Variants in PPM1H observed in about 807,000 individuals in gnomAD.
PPM1H encodes the protein protein phosphatase 1H.
A neutral mutation model predicts 54.9 loss-of-function variants in PPM1H; 27 were observed. The observed-to-expected ratio is 0.49, with a 90% CI of 0.36 to 0.68. The LOEUF (loss-of-function observed/expected upper bound fraction) is 0.68, where lower values mean the gene tolerates loss of function less well. Ranked by LOEUF, PPM1H falls within the 30% of genes least tolerant of loss-of-function variation. The pLI is 0.00. For synonymous variants in PPM1H, 305 were observed against 270.8 expected (o/e 1.13, Z -1.24); for missense variants, 596 against 667.8 (o/e 0.89, Z 1.19).
rs765220733 is a variant in PPM1H, at chr12:62,741,980, G to A, written c.870-4394C>T. On this transcript the variant is annotated intron_variant, in intron 4 of 9. Coordinates refer to ENST00000228705, the MANE Select transcript of PPM1H (RefSeq NM_020700.2). Reference sequence around the variant, plus strand: ...CTTTTTGTTGGTTTTGCAAAAAGACGGCAGGCCTAAGAGGACAGTGTTCTG... The same window carrying A: ...CTTTTTGTTGGTTTTGCAAAAAGACAGCAGGCCTAAGAGGACAGTGTTCTG... Among the ~76,000 whole-genome samples the A allele has an allele frequency of 2.2e-4, 33 of 151,732 alleles. 1 individual carries two copies. The highest frequency in any genetic ancestry group is 3.8e-4 in the Non-Finnish European group (26 of 67,970).
At chr12:62,848,677 G>A (rs539020005) in intron 1 of PPM1H, among the ~76,000 whole-genome samples, 35 of 152,278 alleles carry the variant, frequency 2.3e-4, no homozygotes, top group African/African-American at 8.2e-4. Context: ...AATCATGGTC[G>A]TTTTAATTTC....
At chr12:62,675,422 G>A (rs1221148296) in intron 8 of PPM1H, among the ~76,000 whole-genome samples, 1 of 152,182 alleles carries the variant, frequency 6.6e-6, no homozygotes, top group Non-Finnish European at 1.5e-5. Context: ...GTGAATGAAT[G>A]GGCTTCAACA....
intron 2 of PPM1H, among the ~76,000 whole-genome samples, chr12:62,817,902 C>T (rs1454855848): frequency 6.6e-6 from 1 of 152,138 alleles, no homozygotes; most frequent in Non-Finnish European, 1.5e-5. Context: ...ATGGTCTTGG[C>T]CGAGATGCTG....
intron 1 of PPM1H, among the ~76,000 whole-genome samples, chr12:62,931,681 T>C (rs1407432676): frequency 1.3e-5 from 2 of 152,200 alleles, no homozygotes; most frequent in African/African-American, 4.8e-5. Flanking sequence ...CACACAGGCT[T>C]GACCCTGGGC....
intron 8 of PPM1H, among the ~76,000 whole-genome samples, chr12:62,668,646 G>A (rs1032422941): frequency 9.2e-5 from 14 of 152,102 alleles, no homozygotes; most frequent in Admixed American, 2.6e-4. Context: ...CAAAGTGCTG[G>A]GGTTACAGGC....
intron 1 of PPM1H, among the ~76,000 whole-genome samples, chr12:62,906,874 G>C (rs1174847887): frequency 6.6e-6 from 1 of 152,188 alleles, no homozygotes; most frequent in Non-Finnish European, 1.5e-5. Flanking sequence ...GTAACAACAC[G>C]TTCCTTCTGT....
intron 5 of PPM1H, among the ~76,000 whole-genome samples, chr12:62,730,190 A>C (rs550198646): frequency 1.3e-5 from 2 of 152,232 alleles, no homozygotes; most frequent in Non-Finnish European, 2.9e-5. Context: ...ACCTGCATCC[A>C]GGTGAAATAA....
chr12:62,801,856 C>T lies in PPM1H; in HGVS notation c.716G>A (p.Cys239Tyr). The T allele has an allele frequency of 6.2e-7, 1 of 1,613,930 alleles. No individual in the cohort carries two copies. Among genetic ancestry groups the T allele is most frequent in the Non-Finnish European group, 8.5e-7 (1 of 1,179,838 alleles). ...FFTEKKIPHE[C>Y]LVIGALESAF... ...ACTTTCAAGCGCTCCGATGACCAGGCACTCATGGGGAATCTTCTTCTCGGT... is the reference window on the plus strand; with the variant it reads ...ACTTTCAAGCGCTCCGATGACCAGGTACTCATGGGGAATCTTCTTCTCGGT... The change falls in exon 3 of 10, where the codon TGC (cysteine) becomes TAC (tyrosine). Residue 239 changes from cysteine to tyrosine, a missense_variant. By Grantham distance (194) the Cys-to-Tyr change is radical (BLOSUM62 -2). Coordinates refer to ENST00000228705, the MANE Select transcript of PPM1H (RefSeq NM_020700.2).
intron 1 of PPM1H, among the ~76,000 whole-genome samples, chr12:62,898,800 T>C (rs1871073510): frequency 6.6e-6 from 1 of 152,228 alleles, no homozygotes; most frequent in Non-Finnish European, 1.5e-5. Context: ...AAATTGATCA[T>C]CTCTGGCTCT....
At chr12:62,756,633 G>A (rs1295515737) in intron 4 of PPM1H, among the ~76,000 whole-genome samples, 1 of 151,960 alleles carries the variant, frequency 6.6e-6, no homozygotes, top group African/African-American at 2.4e-5. Flanking sequence ...CAGGTGAGCT[G>A]GTGACATTTG....
chr12:62,832,115 G>C lies in PPM1H; in HGVS notation c.410C>G (p.Ser137Trp), dbSNP rs775923431. The C allele has an allele frequency of 1.2e-6, 2 of 1,613,604 alleles. No homozygotes were observed. The highest frequency in any genetic ancestry group is 1.1e-5 in the South Asian group (1 of 91,034). Residue 137 changes from serine to tryptophan, a missense_variant and splice_region_variant, in exon 2 of 10, where the codon TCG (serine) becomes TGG (tryptophan). By Grantham distance (177) the Ser-to-Trp change is radical. This residue lies in a region of PPM1H where 382 missense variants were observed against 387.1 expected (regional missense o/e 0.99). Transcript: ENST00000228705. Reference sequence around the variant, plus strand: ...ACCAAGGATCGAGAAGGGTCTTACCGAGTTCTCCTTCAGCTGCAGCCCTTC... The same window carrying C: ...ACCAAGGATCGAGAAGGGTCTTACCCAGTTCTCCTTCAGCTGCAGCCCTTC... ...NGEGLQLKEN[S>W]ESEGVSCHYW...
At chr12:62,728,782 G>A (rs554134997) in intron 5 of PPM1H, among the ~76,000 whole-genome samples, 3 of 152,292 alleles carry the variant, frequency 2.0e-5, no homozygotes, top group Admixed American at 1.3e-4. Context: ...CCCCAGGGAG[G>A]GAAGCTAGCC....
chr12:62,849,946 T>A (rs928032076), intron 1 of PPM1H, among the ~76,000 whole-genome samples: 3 of 152,142 alleles, frequency 2.0e-5, no homozygotes, highest in African/African-American at 7.2e-5. Context: ...TACAGAGTAA[T>A]TAAATAACAA....
At chr12:62,826,190 C>T (rs183993491) in intron 2 of PPM1H, among the ~76,000 whole-genome samples, 2 of 152,324 alleles carry the variant, frequency 1.3e-5, no homozygotes, top group African/African-American at 4.8e-5. Flanking sequence ...TGGCTCACGT[C>T]TGTAATCCCA....
intron 9 of PPM1H, among the ~76,000 whole-genome samples, chr12:62,663,730 G>A (rs2075899511): frequency 6.6e-6 from 1 of 152,206 alleles, no homozygotes; most frequent in African/African-American, 2.4e-5. Context: ...AGTGGCTCAT[G>A]CCTGTAATCC....
chr12:62,863,106 C>T (rs913100392), intron 1 of PPM1H, among the ~76,000 whole-genome samples: 1 of 152,098 alleles, frequency 6.6e-6, no homozygotes, highest in African/African-American at 2.4e-5. Context: ...CTGCAACCTC[C>T]ACCTCCTGGG....
At chr12:62,671,803 G>T (rs2075958357) in intron 8 of PPM1H, among the ~76,000 whole-genome samples, 1 of 152,176 alleles carries the variant, frequency 6.6e-6, no homozygotes, top group South Asian at 2.1e-4. Context: ...GCTGAGAAAG[G>T]TGGGTGTCAC....
Position 62,869,145 on chromosome 12 carries a change from C to T in PPM1H, c.246-36866G>A, listed in dbSNP as rs547736904. Among the ~76,000 whole-genome samples the T allele has an allele frequency of 3.9e-5, 6 of 152,270 alleles. No homozygotes were observed. In the South Asian group the frequency reaches 6.2e-4, roughly 16 times the overall value. On this transcript the variant is annotated intron_variant, in intron 1 of 9. Transcript: ENST00000228705. ...TATATGTGGCTTTAGATATTAAGAA[C>T]AAGGGTATAAAGGTACATTGCAATG...
rs576755309 is a variant in PPM1H at position 62,868,106 on chromosome 12, T to C, written c.246-35827A>G. Among the ~76,000 whole-genome samples the C allele has an allele frequency of 2.0e-3, 297 of 152,278 alleles. 4 individuals are homozygous for C. The highest frequency in any genetic ancestry group is 6.8e-3 in the African/African-American group (282 of 41,560). Reference sequence around the variant, plus strand: ...GCTGCCAAATGCATGATAACTGCCCTCCTCCCCTGGCTTGTCCTAAACCTG... The same window carrying C: ...GCTGCCAAATGCATGATAACTGCCCCCCTCCCCTGGCTTGTCCTAAACCTG... On this transcript the variant is annotated intron_variant, in intron 1 of 9. Coordinates refer to ENST00000228705, the MANE Select transcript of PPM1H (RefSeq NM_020700.2).
Sources: gnomAD v4.1 joint callset for allele counts (sites outside exome capture counted in the v4.1 genomes callset) on GRCh38, gnomAD v4.1.1 for gene constraint, gnomAD v4.1.1 regional missense constraint, MANE v1.5 for transcripts, NCBI Gene and HGNC (gene_info 2026-07-23, HGNC 2026-07-21) for gene names.